Variants in CAT observed in about 807,000 individuals in gnomAD.
The protein encoded by CAT is epididymis secretory sperm binding protein.
CAT carries 43 observed loss-of-function variants against 59.0 expected under a neutral mutation model. That is an observed-to-expected ratio of 0.73 (90% confidence interval 0.57 to 0.94). The LOEUF (loss-of-function observed/expected upper bound fraction) is 0.94. Ranked by LOEUF, CAT falls within the 40% of genes least tolerant of loss-of-function variation. The pLI is 0.00. For synonymous variants in CAT, 218 were observed against 230.9 expected, an observed-to-expected ratio of 0.94 and a Z score of 0.51; for missense variants, 664 against 682.9, an observed-to-expected ratio of 0.97 and a Z score of 0.31.
chr11:34,470,372 C>T (rs996411155), intron 11 of CAT, among the ~76,000 whole-genome samples: 1 of 152,198 alleles, frequency 6.6e-6, no homozygotes, highest in Admixed American at 6.5e-5. Context: ...CTAATCCAGA[C>T]ACTCCCTGAC....
Position 34,456,166 on chromosome 11 carries a change from AGAAACTTTT to A in CAT, c.868_876del (p.Glu290_Phe292del). 2 of 1,614,162 alleles carry A rather than the reference AGAAACTTTT, an allele frequency of 1.2e-6. No homozygotes were observed. The highest frequency in any genetic ancestry group is 1.7e-6 in the Non-Finnish European group (2 of 1,180,016). ...TCCAGGTCATGACATTTAATCAGGC[AGAAACTTTT>A]CCATTTAATCCATTCGATCTCACCA... On this transcript the variant is annotated inframe_deletion, in exon 7 of 13. Transcript: ENST00000241052.
chr11:34,464,712 A>G (rs990134255), intron 10 of CAT, among the ~76,000 whole-genome samples: 21 of 151,718 alleles, frequency 1.4e-4, no homozygotes, highest in African/African-American at 4.8e-4. Flanking sequence ...CTGCTTGCCA[A>G]TGCTAATTGA....
At position 34,471,540 on chromosome 11, in the gene CAT, G is replaced by C. The variant is rs1856773292; in HGVS notation, c.*107G>C. ...CTAGATGTGCAAATGCAAGCTAGTGGCTTCAAAATAGAGAATCCCACTTTC... is the reference window on the plus strand; with the variant it reads ...CTAGATGTGCAAATGCAAGCTAGTGCCTTCAAAATAGAGAATCCCACTTTC... On this transcript the variant is annotated 3_prime_UTR_variant, in exon 13 of 13. Transcript: ENST00000241052. The C allele has an allele frequency of 6.5e-6, 6 of 918,108 alleles. No individual in the cohort carries two copies. The South Asian group carries it at 7.8e-5, about 12-fold the overall frequency. The allele number at this position is 918,108 out of a possible 1,614,324, so 56.9% of individuals were successfully genotyped here.
rs1856774112 is a variant in CAT, at chr11:34,471,600, C to T, written c.*167C>T. 4 of 663,414 alleles carry T rather than the reference C, an allele frequency of 6.0e-6. No homozygotes were observed. Among genetic ancestry groups the T allele is most frequent in the Non-Finnish European group, 2.7e-6 (1 of 365,672 alleles). 41.1% of individuals were successfully genotyped at this position (663,414 alleles called of 1,614,324 possible). ...TTGTGTAACAATTTTAATGCTATTTCCCCAGGGGAAAATGAAGGTTAGGAT... is the reference window on the plus strand; with the variant it reads ...TTGTGTAACAATTTTAATGCTATTTTCCCAGGGGAAAATGAAGGTTAGGAT... On this transcript the variant is annotated 3_prime_UTR_variant, in exon 13 of 13. Coordinates refer to ENST00000241052, the MANE Select transcript of CAT (RefSeq NM_001752.4).
intron 8 of CAT, among the ~76,000 whole-genome samples, chr11:34,457,989 T>C (rs1300323292): frequency 6.6e-6 from 1 of 152,248 alleles, no homozygotes; most frequent in African/African-American, 2.4e-5. Context: ...TAGTTTTTAG[T>C]CCAATTCAAC....
At chr11:34,453,016 G>C in intron 4 of CAT, 74 bp from the exon 5 acceptor site, 1 of 832,694 alleles carries the variant, frequency 1.2e-6, no homozygotes, top group South Asian at 1.3e-5. Flanking sequence ...CTAGTAATAG[G>C]CATATATAAT....
chr11:34,468,507 ACTT>A, intron 11 of CAT, 112 bp downstream of exon 11: 2 of 738,032 alleles, frequency 2.7e-6, no homozygotes, highest in Admixed American at 2.4e-5. Context: ...ACTTAAGAGA[ACTT>A]AAAAAAAAAA....
Position 34,451,008 on chromosome 11 carries a change from G to C in CAT, c.259G>C (p.Val87Leu), listed in dbSNP as rs758620778. ...KGAGAFGYFE[V>L]THDITKYSKA... ...GTTAGGGGCCTTTGGCTACTTTGAG[G>C]TCACACATGACATTACCAAATACTC... The change falls in exon 3 of 13, where the codon GTC (valine) becomes CTC (leucine). Residue 87 changes from valine (V) to leucine (L), a missense_variant. Transcript: ENST00000241052. 6.2e-7 allele frequency: 1 copy of C among 1,612,632 alleles called. No individual in the cohort carries two copies. The highest frequency in any genetic ancestry group is 1.3e-5 in the African/African-American group (1 of 74,886).
intron 11 of CAT, among the ~76,000 whole-genome samples, chr11:34,469,731 T>C (rs1481747677): frequency 6.6e-6 from 1 of 151,888 alleles, no homozygotes; most frequent in East Asian, 1.9e-4. Context: ...AGTGGCATGA[T>C]CTCGGCTCAC....
At chr11:34,455,397 C>T (rs1856577151) in intron 6 of CAT, among the ~76,000 whole-genome samples, 1 of 152,138 alleles carries the variant, frequency 6.6e-6, no homozygotes, top group African/African-American at 2.4e-5. Context: ...TGAAGTGACA[C>T]AGCTTCTCTG....
chr11:34,456,758 G>T lies in CAT; in HGVS notation c.997G>T (p.Ala333Ser). 3 of 1,614,202 alleles carry T rather than the reference G, an allele frequency of 1.9e-6. No individual in the cohort carries two copies. Among genetic ancestry groups the T allele is most frequent in the Non-Finnish European group, 2.5e-6 (3 of 1,180,018 alleles). ...TTACTTTGCTGAGGTTGAACAGATAGCCTTCGACCCAAGCAACATGCCACC... is the reference window on the plus strand; with the variant it reads ...TTACTTTGCTGAGGTTGAACAGATATCCTTCGACCCAAGCAACATGCCACC... ...VNYFAEVEQIAFDPSNMPPGI... is the reference protein window; with the variant it reads ...VNYFAEVEQISFDPSNMPPGI... The change falls in exon 8 of 13, where the codon GCC (alanine) becomes TCC (serine). Residue 333 changes from alanine to serine, a missense_variant. By Grantham distance (99) the Ala-to-Ser change is moderately conservative (BLOSUM62 1). Coordinates refer to ENST00000241052, the MANE Select transcript of CAT (RefSeq NM_001752.4).
At chr11:34,463,873 G>A (rs1856681174) in intron 9 of CAT, among the ~76,000 whole-genome samples, 1 of 152,204 alleles carries the variant, frequency 6.6e-6, no homozygotes, top group Non-Finnish European at 1.5e-5. Flanking sequence ...TTCATAAAGT[G>A]CGGCAGCCTG....
intron 8 of CAT, chr11:34,460,692 A>T (rs902592096): frequency 5.9e-6 from 1 of 169,346 alleles, no homozygotes; most frequent in Non-Finnish European, 1.3e-5. Context: ...GGCCCAAGCG[A>T]TCCTCTCACC....
chr11:34,441,751 A>G (rs749984395), intron 1 of CAT, among the ~76,000 whole-genome samples: 2 of 152,186 alleles, frequency 1.3e-5, no homozygotes, highest in African/African-American at 2.4e-5. Context: ...CCATGATTAC[A>G]TGACTGCACT....
Position 34,461,083 on chromosome 11 carries a change from C to G in CAT, c.1057-168C>G, listed in dbSNP as rs1006754154. The G allele has an allele frequency of 1.8e-5, 14 of 772,808 alleles. No individual in the cohort carries two copies. The East Asian group carries it at 3.2e-4, about 18-fold the overall frequency. 47.9% of individuals were successfully genotyped at this position (772,808 alleles called of 1,614,324 possible). On this transcript the variant is annotated intron_variant, in intron 8 of 12. Transcript: ENST00000241052. ...CAGAACTGTTCAGTTAGGGAGAACT[C>G]GTTTCATAAGAGTAGAGGCTTCACT...
intron 11 of CAT, 122 bp downstream of exon 11, chr11:34,468,517 A>G: frequency 2.8e-6 from 2 of 712,874 alleles, no homozygotes; most frequent in Non-Finnish European, 4.9e-6. Flanking sequence ...ACTTAAAAAA[A>G]AAAAAATAAA....
At chr11:34,453,649 A>G (rs561403201) in intron 5 of CAT, 152 bp from the exon 6 acceptor site, 1 of 674,156 alleles carries the variant, frequency 1.5e-6, no homozygotes, top group South Asian at 1.7e-5. Flanking sequence ...ATTTTCTACA[A>G]GTGAAATAAT....
chr11:34,442,764 C>G (rs1856406809), intron 1 of CAT, among the ~76,000 whole-genome samples: 1 of 152,128 alleles, frequency 6.6e-6, no homozygotes, highest in African/African-American at 2.4e-5. Context: ...GCGTCACTGT[C>G]CAGCACAGAA....
In CAT at chr11:34,456,152, A is replaced by G; in HGVS notation, c.853A>G (p.Thr285Ala). 2 of 1,614,116 alleles carry G rather than the reference A, an allele frequency of 1.2e-6. No individual in the cohort carries two copies. The highest frequency in any genetic ancestry group is 1.7e-6 in the Non-Finnish European group (2 of 1,179,988). Residue 285 changes from threonine (T) to alanine (A), a missense_variant, in exon 7 of 13, where the codon ACA becomes GCA. Transcript: ENST00000241052. The part of the protein sequence containing the change: ...PSWTFYIQVM[T>A]FNQAETFPFN... The stretch of plus-strand genomic sequence containing the variant: ...CTGGACTTTTTACATCCAGGTCATG[A>G]CATTTAATCAGGCAGAAACTTTTCC...
Sources: allele counts gnomAD v4.1 joint callset (sites outside exome capture counted in the v4.1 genomes callset), GRCh38; gene constraint gnomAD v4.1.1; transcripts MANE v1.5; gene names NCBI Gene and HGNC (gene_info 2026-07-23, HGNC 2026-07-21).